The following SETBP1 variants were observed in gnomAD, a reference collection of about 807,000 sequenced individuals.
SETBP1 encodes SET-binding protein.
A neutral mutation model predicts 101.0 loss-of-function variants in SETBP1; 9 were observed. That is an observed-to-expected ratio of 0.09 (90% CI 0.05 to 0.16). The LOEUF (loss-of-function observed/expected upper bound fraction) is 0.16, where lower values mean the gene tolerates loss of function less well. SETBP1 is among the 10% of genes least tolerant of loss of function. The pLI is 1.00. For missense variants in SETBP1, 1,858 were observed against 2,033.8 expected (o/e 0.91, Z 1.66); for synonymous variants, 818 against 788.5 (o/e 1.04, Z -0.63).
chr18:44,897,603 A>G (rs968022377), intron 3 of SETBP1, among the ~76,000 whole-genome samples: 1 of 152,172 alleles, frequency 6.6e-6, no homozygotes, highest in Non-Finnish European at 1.5e-5. Flanking sequence ...TGTGGGAAAC[A>G]CTGCAGGTGC....
chr18:44,779,599 G>A (rs903759365), intron 2 of SETBP1, among the ~76,000 whole-genome samples: 1 of 152,090 alleles, frequency 6.6e-6, no homozygotes, highest in African/African-American at 2.4e-5. Context: ...AAGGGAGAGC[G>A]AGAGGGAAAA....
At chr18:44,824,785 G>A (rs185250529) in intron 2 of SETBP1, among the ~76,000 whole-genome samples, 8 of 152,342 alleles carry the variant, frequency 5.3e-5, no homozygotes, top group African/African-American at 1.9e-4. Flanking sequence ...GCAGAAGAAA[G>A]AGAGCAATAG....
rs1568234864 is a variant in SETBP1 at position 44,950,961 on chromosome 18, A to G, written c.1621A>G (p.Thr541Ala). The G allele has an allele frequency of 1.2e-6, 2 of 1,613,990 alleles. No individual in the cohort carries two copies. The highest frequency in any genetic ancestry group is 2.2e-5 in the East Asian group (1 of 44,874). Residue 541 changes from threonine (T) to alanine (A), a missense_variant, in exon 4 of 6, where the codon ACC becomes GCC. Thr to Ala is a moderately conservative substitution (Grantham distance 58, BLOSUM62 0). Transcript: ENST00000649279. ...RWTCSKPKPSTMLREAVMATS... is the reference protein window; with the variant it reads ...RWTCSKPKPSAMLREAVMATS... ...GACTTGCAGCAAACCAAAACCTAGC[A>G]CCATGCTTCGAGAGGCAGTTATGGC...
intron 3 of SETBP1, among the ~76,000 whole-genome samples, chr18:44,930,104 C>G (rs925316476): frequency 2.0e-5 from 3 of 152,172 alleles, no homozygotes; most frequent in Non-Finnish European, 2.9e-5. Context: ...TTTGGAGATA[C>G]GTCCCACCAA....
chr18:44,757,036 T>C (rs1599082329), intron 2 of SETBP1, among the ~76,000 whole-genome samples: 1 of 152,194 alleles, frequency 6.6e-6, no homozygotes, highest in East Asian at 1.9e-4. Flanking sequence ...TTTAAATTCT[T>C]TTTTTTTGGT....
At chr18:45,046,821 A>G (rs2145532558) in intron 5 of SETBP1, among the ~76,000 whole-genome samples, 2 of 152,348 alleles carry the variant, frequency 1.3e-5, no homozygotes, top group African/African-American at 4.8e-5. Flanking sequence ...AAATAAGAGA[A>G]GCAAAAGCCA....
intron 2 of SETBP1, among the ~76,000 whole-genome samples, chr18:44,809,266 A>G (rs1466030620): frequency 6.6e-6 from 1 of 152,194 alleles, no homozygotes. Flanking sequence ...AATTAATTAC[A>G]TGAATAAGCT....
rs766091331 is a variant in SETBP1 at position 44,952,559 on chromosome 18, G to T, written c.3219G>T (p.Leu1073Phe). 1.9e-6 allele frequency: 3 copies of T among 1,614,068 alleles called. No individual in the cohort carries two copies. Among genetic ancestry groups the T allele is most frequent in the South Asian group, 2.2e-5 (2 of 91,074 alleles). Residue 1073 changes from leucine to phenylalanine, a missense_variant, in exon 4 of 6, where the codon TTG becomes TTT. Coordinates refer to ENST00000649279, the MANE Select transcript of SETBP1 (RefSeq NM_015559.3). Reference protein sequence around the residue: ...LGYYGQYPAPLYLSHTLGAAS... With the variant: ...LGYYGQYPAPFYLSHTLGAAS... ...ATTACGGTCAGTACCCAGCTCCTTT[G>T]TACCTATCGCACACGCTTGGAGCAG...
At chr18:44,998,590 T>C (rs1362009682) in intron 4 of SETBP1, among the ~76,000 whole-genome samples, 2 of 152,224 alleles carry the variant, frequency 1.3e-5, no homozygotes, top group Non-Finnish European at 2.9e-5. Context: ...CAGCTAGATC[T>C]GTAGATAGCG....
rs905845358 is a variant in SETBP1 at position 45,063,900 on chromosome 18, A to C, written c.*202A>C. ...CAAAGCAGGGAGACACCTTCAGAAG[A>C]AGCTTGTCTGAGCTTCACCGCAGCT... is the stretch of plus-strand genomic sequence containing the variant. On this transcript the variant is annotated 3_prime_UTR_variant, in exon 6 of 6. Transcript: ENST00000649279. 1.8e-6 allele frequency: 1 copy of C among 559,400 alleles called. No homozygotes were observed. The highest frequency in any genetic ancestry group is 3.2e-6 in the Non-Finnish European group (1 of 312,224). 34.7% of individuals were successfully genotyped at this position (559,400 alleles called of 1,614,324 possible).
rs539704578 is a variant in SETBP1, at chr18:44,928,095, G to A, written c.541-21786G>A. 4.6e-5 allele frequency among the ~76,000 whole-genome samples: 7 copies of A among 152,102 alleles called. No homozygotes were observed. The South Asian group carries it at 6.2e-4, about 14-fold the overall frequency. ...TCCCTCACGCCTCACCCCACCCCACGACAGGCCCTGGTGTGTGATGTTCGC... is the reference window on the plus strand; with the variant it reads ...TCCCTCACGCCTCACCCCACCCCACAACAGGCCCTGGTGTGTGATGTTCGC... On this transcript the variant is annotated intron_variant, in intron 3 of 5. Coordinates refer to ENST00000649279, the MANE Select transcript of SETBP1 (RefSeq NM_015559.3).
chr18:44,790,740 G>C (rs1259546144), intron 2 of SETBP1, among the ~76,000 whole-genome samples: 1 of 152,160 alleles, frequency 6.6e-6, no homozygotes, highest in Admixed American at 6.5e-5. Flanking sequence ...GGTGCTGCCT[G>C]GATGTTGGGA....
intron 2 of SETBP1, among the ~76,000 whole-genome samples, chr18:44,759,661 T>C (rs968295805): frequency 1.3e-5 from 2 of 152,194 alleles, no homozygotes; most frequent in African/African-American, 4.8e-5. Flanking sequence ...CCCTGAAATA[T>C]TGCAAAGATA....
At chr18:44,908,638 T>A (rs2070233573) in intron 3 of SETBP1, among the ~76,000 whole-genome samples, 1 of 152,166 alleles carries the variant, frequency 6.6e-6, no homozygotes, top group Non-Finnish European at 1.5e-5. Flanking sequence ...TCCTCCAACC[T>A]TGTTCTTTTT....
intron 3 of SETBP1, among the ~76,000 whole-genome samples, chr18:44,892,496 C>T (rs1310941844): frequency 6.6e-6 from 1 of 152,102 alleles, no homozygotes; most frequent in East Asian, 1.9e-4. Flanking sequence ...TGAATTTTAG[C>T]TCTAAAATAG....
intron 2 of SETBP1, among the ~76,000 whole-genome samples, chr18:44,776,383 G>A (rs1488565188): frequency 6.6e-6 from 1 of 152,110 alleles, no homozygotes; most frequent in East Asian, 1.9e-4. Flanking sequence ...TTTTCTAAAA[G>A]GCCAAAGAAA....
chr18:44,806,321 G>A (rs953959444), intron 2 of SETBP1, among the ~76,000 whole-genome samples: 2 of 152,102 alleles, frequency 1.3e-5, no homozygotes, highest in African/African-American at 4.8e-5. Context: ...GCATATTTTA[G>A]CAGGAGTGGT....
intron 3 of SETBP1, among the ~76,000 whole-genome samples, chr18:44,891,507 A>G (rs1384182565): frequency 6.6e-6 from 1 of 152,144 alleles, no homozygotes; most frequent in Admixed American, 6.5e-5. Flanking sequence ...CAACCTTGGC[A>G]TGAGTGAAAG....
chr18:44,871,944 G>A (rs1050220348), intron 3 of SETBP1: 1 of 152,182 alleles, frequency 6.6e-6, no homozygotes, highest in African/African-American at 2.4e-5. Context: ...AAGTTTTAAA[G>A]GCACAGATGG....
Sources: gnomAD v4.1 joint callset for allele counts (sites outside exome capture counted in the v4.1 genomes callset) on GRCh38, gnomAD v4.1.1 for gene constraint, MANE v1.5 for transcripts, NCBI Gene and HGNC (gene_info 2026-07-23, HGNC 2026-07-21) for gene names.